EGFR: variants seen among roughly 807,000 people sequenced by gnomAD.
EGFR encodes avian erythroblastic leukemia viral (v-erb-b) oncogene homolog.
EGFR carries 58 observed loss-of-function variants against 143.0 expected under a neutral mutation model. The ratio of observed to expected loss-of-function variants is 0.41; its 90% confidence interval spans 0.33 to 0.50. The LOEUF is 0.50. Ranked by LOEUF, EGFR falls within the 20% of genes least tolerant of loss-of-function variation. EGFR has a pLI of 0.39. For missense variants in EGFR, 1,307 were observed against 1,579.0 expected, an observed-to-expected ratio of 0.83 and a Z score of 2.92; for synonymous variants, 613 against 594.4, an observed-to-expected ratio of 1.03 and a Z score of -0.45.
At chr7:55,167,549 T>C (rs145662886) in intron 15 of EGFR, among the ~76,000 whole-genome samples, 297 of 76,836 alleles carry the variant, frequency 3.9e-3, no homozygotes, top group African/African-American at 6.8e-3. Context: ...ACAGTGGTGG[T>C]GGTGTTGATG....
intron 1 of EGFR, among the ~76,000 whole-genome samples, chr7:55,089,687 G>A (rs1443049449): frequency 2.0e-5 from 3 of 152,152 alleles, no homozygotes; most frequent in African/African-American, 7.2e-5. Flanking sequence ...CACATCTCCA[G>A]TTGTCTCAAA....
At chr7:55,133,159 G>A (rs1353881038) in intron 1 of EGFR, among the ~76,000 whole-genome samples, 6 of 152,216 alleles carry the variant, frequency 3.9e-5, no homozygotes, top group South Asian at 2.1e-4. Flanking sequence ...GTGAACTCCC[G>A]GCAGCCCTGC....
In EGFR at chr7:55,173,075, G is replaced by A. The variant is rs1266662784; in HGVS notation, c.2012G>A (p.Arg671His). The A allele has an allele frequency of 7.4e-6, 12 of 1,613,268 alleles. No individual in the cohort carries two copies. Among genetic ancestry groups the A allele is most frequent in the Non-Finnish European group, 1.0e-5 (12 of 1,180,034 alleles). ...GGGATCGGCCTCTTCATGCGAAGGC[G>A]CCACATCGTTCGGAAGCGCACGCTG... Reference protein sequence around the residue: ...ALGIGLFMRRRHIVRKRTLRR... With the variant: ...ALGIGLFMRRHHIVRKRTLRR... Residue 671 changes from arginine to histidine, a missense_variant, in exon 17 of 28, where the codon CGC (arginine) becomes CAC (histidine). Around this residue, in one of 7 missense-constraint regions of EGFR, gnomAD observed 348 missense variants for 451.5 expected, o/e 0.77. Coordinates refer to ENST00000275493, the MANE Select transcript of EGFR (RefSeq NM_005228.5).
chr7:55,097,050 C>T, intron 1 of EGFR, among the ~76,000 whole-genome samples: 1 of 152,206 alleles, frequency 6.6e-6, no homozygotes. Flanking sequence ...TTGCCCGAGG[C>T]TGCATACCTG....
In EGFR at chr7:55,188,678, G is replaced by A. The variant is rs751001822; in HGVS notation, c.2470-3041G>A. On this transcript the variant is annotated intron_variant, in intron 20 of 27. Transcript: ENST00000275493. ...CTCGGACCCTGGGAGCTCACAGGCC[G>A]TATCGCAGCTCTTATCTTTGGGGAC... Among the ~76,000 whole-genome samples the A allele has an allele frequency of 4.7e-4, 72 of 152,286 alleles. 2 individuals are homozygous for A. The Middle Eastern group carries it at 0.014, about 29-fold the overall frequency.
intron 10 of EGFR, 162 bp downstream of exon 10, chr7:55,156,994 C>A: frequency 6.7e-7 from 1 of 1,485,790 alleles, no homozygotes; most frequent in Non-Finnish European, 9.0e-7. Flanking sequence ...GTTTCTCCTG[C>A]AGGCAAAAGG....
intron 1 of EGFR, among the ~76,000 whole-genome samples, chr7:55,040,042 G>T (rs146915468): frequency 6.6e-6 from 1 of 152,086 alleles, no homozygotes; most frequent in East Asian, 1.9e-4. Flanking sequence ...AGAATTCCCC[G>T]CATGTGTCCC....
chr7:55,087,158 G>A (rs898925615), intron 1 of EGFR, among the ~76,000 whole-genome samples: 6 of 151,714 alleles, frequency 4.0e-5, no homozygotes, highest in African/African-American at 1.5e-4. Flanking sequence ...AAGAGAGGAT[G>A]GCTCGGATGC....
At chr7:55,123,457 A>C (rs979211954) in intron 1 of EGFR, among the ~76,000 whole-genome samples, 1 of 152,192 alleles carries the variant, frequency 6.6e-6, no homozygotes, top group African/African-American at 2.4e-5. Flanking sequence ...TATATATCCC[A>C]GAAAGGATAT....
chr7:55,192,915 A>G, intron 22 of EGFR, 74 bp downstream of exon 22: 1 of 1,256,536 alleles, frequency 8.0e-7, no homozygotes, highest in Non-Finnish European at 1.2e-6. Flanking sequence ...AATTTACATT[A>G]TATCCTCTGA....
intron 1 of EGFR, among the ~76,000 whole-genome samples, chr7:55,037,207 G>C (rs1430106175): frequency 6.6e-6 from 1 of 152,156 alleles, no homozygotes; most frequent in Non-Finnish European, 1.5e-5. Context: ...TTTCATCTTG[G>C]ATTTTTAGCT....
intron 15 of EGFR, chr7:55,170,970 T>TC: frequency 6.9e-7 from 1 of 1,447,736 alleles, no homozygotes; most frequent in Admixed American, 2.5e-5. Context: ...GAGTAGAAAC[T>TC]CAAAAATATT....
chr7:55,145,314 C>A (rs17336393), intron 3 of EGFR, among the ~76,000 whole-genome samples: 1 of 152,228 alleles, frequency 6.6e-6, no homozygotes, highest in African/African-American at 2.4e-5. Context: ...GTTCCATCCA[C>A]CTGTGCATGG....
At chr7:55,097,301 C>G (rs10247160) in intron 1 of EGFR, among the ~76,000 whole-genome samples, 2,862 of 152,258 alleles carry the variant, frequency 0.019, 96 homozygotes, top group African/African-American at 0.066. Flanking sequence ...CCTGGATGCT[C>G]TCAGATCTAC....
intron 1 of EGFR, among the ~76,000 whole-genome samples, chr7:55,020,658 G>T (rs1012056214): frequency 1.3e-5 from 2 of 151,956 alleles, no homozygotes; most frequent in South Asian, 2.1e-4. Context: ...GTCTGGCTTC[G>T]TGACTACCGA....
rs753390240 is a variant in EGFR at position 55,201,773 on chromosome 7, T to C, written c.3153T>C (p.Asp1051=). Residue 1051 remains aspartate, a synonymous_variant, in exon 26 of 28, where the codon GAT becomes GAC. Coordinates refer to ENST00000275493, the MANE Select transcript of EGFR (RefSeq NM_005228.5). ...ACAATTCCACCGTGGCTTGCATTGA[T>C]AGAAATGGGGTATGTATGAACACCT... ...TSNNSTVACI[D]RNGLQSCPIK... is the part of the protein sequence containing the mutation. 4.3e-6 allele frequency: 7 copies of C among 1,614,232 alleles called. No homozygotes were observed. The highest frequency in any genetic ancestry group is 1.7e-5 in the Admixed American group (1 of 60,030).
At chr7:55,170,932 G>T in intron 15 of EGFR, 1 of 1,425,298 alleles carries the variant, frequency 7.0e-7, no homozygotes, top group Non-Finnish European at 9.1e-7. Context: ...TGGCTGCTTT[G>T]TTCAATGCTA....
intron 22 of EGFR, among the ~76,000 whole-genome samples, chr7:55,198,231 AT>A (rs1184504436): frequency 2.0e-5 from 3 of 152,066 alleles, no homozygotes; most frequent in Non-Finnish European, 4.4e-5. Flanking sequence ...TTTTATTTTT[AT>A]CAAATGGAAC....
chr7:55,115,495 C>T (rs1438111235), intron 1 of EGFR, among the ~76,000 whole-genome samples: 1 of 152,172 alleles, frequency 6.6e-6, no homozygotes, highest in Non-Finnish European at 1.5e-5. Flanking sequence ...TATTTATTAT[C>T]ATCTAAGATT....
Sources: gnomAD v4.1 joint callset for allele counts (sites outside exome capture counted in the v4.1 genomes callset) on GRCh38, gnomAD v4.1.1 for gene constraint, gnomAD v4.1.1 regional missense constraint, MANE v1.5 for transcripts, NCBI Gene and HGNC (gene_info 2026-07-23, HGNC 2026-07-21) for gene names.